Variants in ASIC2 observed in about 807,000 individuals in gnomAD.
ASIC2 encodes acid sensing ion channel subunit 2.
A neutral mutation model predicts 57.3 loss-of-function variants in ASIC2; 25 were observed. That is an observed-to-expected ratio of 0.44 (90% CI 0.32 to 0.61). The LOEUF (loss-of-function observed/expected upper bound fraction) is 0.61, where lower values mean the gene tolerates loss of function less well. ASIC2 is among the 20% of genes least tolerant of loss of function. ASIC2 has a pLI of 0.06. For missense variants in ASIC2, 641 were observed against 738.1 expected (o/e 0.87, Z 1.52); for synonymous variants, 319 against 307.5 (o/e 1.04, Z -0.39).
At chr17:33,601,298 T>A (rs1409921233) in intron 1 of ASIC2, among the ~76,000 whole-genome samples, 1 of 152,076 alleles carries the variant, frequency 6.6e-6, no homozygotes, top group Non-Finnish European at 1.5e-5. Flanking sequence ...ATTTCAGAGG[T>A]CTTCCAGGAT....
At chr17:33,572,308 C>CG (rs1567654670) in intron 1 of ASIC2, 1 of 152,098 alleles carries the variant, frequency 6.6e-6, no homozygotes, top group Non-Finnish European at 1.5e-5. Flanking sequence ...ACGCACCCCC[C>CG]CCACCCCAGG....
At chr17:33,197,952 C>T (rs68027603) in intron 1 of ASIC2, among the ~76,000 whole-genome samples, 15,008 of 152,222 alleles carry the variant, frequency 0.099, 933 homozygotes, top group Admixed American at 0.15. Flanking sequence ...CTGGCACTCT[C>T]GTCCTGGGCC....
intron 1 of ASIC2, among the ~76,000 whole-genome samples, chr17:33,204,970 T>A (rs1333740632): frequency 6.6e-6 from 1 of 152,250 alleles, no homozygotes; most frequent in African/African-American, 2.4e-5. Context: ...TCTACTTGAA[T>A]GGACTATTCA....
At chr17:34,153,133 C>T (rs1183190063) in intron 1 of ASIC2, among the ~76,000 whole-genome samples, 1 of 152,172 alleles carries the variant, frequency 6.6e-6, no homozygotes, top group Non-Finnish European at 1.5e-5. Context: ...CACTTCATTG[C>T]ACATCAGCTA....
chr17:33,222,866 C>T (rs1476257529), intron 1 of ASIC2, among the ~76,000 whole-genome samples: 1 of 152,160 alleles, frequency 6.6e-6, no homozygotes. Context: ...ACAAACTTTT[C>T]CTGACCACCT....
intron 1 of ASIC2, among the ~76,000 whole-genome samples, chr17:33,482,250 C>T (rs541899833): frequency 2.6e-5 from 4 of 152,346 alleles, no homozygotes; most frequent in Admixed American, 2.0e-4. Flanking sequence ...CTCATCTCAG[C>T]CATTGTACAC....
At chr17:33,334,485 C>T (rs533630577) in intron 1 of ASIC2, among the ~76,000 whole-genome samples, 1 of 152,312 alleles carries the variant, frequency 6.6e-6, no homozygotes, top group African/African-American at 2.4e-5. Flanking sequence ...TGCTGTTGAA[C>T]TGGCTTCCAG....
At chr17:33,189,048 C>T (rs1157246289) in intron 1 of ASIC2, among the ~76,000 whole-genome samples, 1 of 152,088 alleles carries the variant, frequency 6.6e-6, no homozygotes, top group African/African-American at 2.4e-5. Flanking sequence ...ACTATACATA[C>T]AGTCGTATAA....
chr17:33,254,664 C>T (rs928278165), intron 1 of ASIC2, among the ~76,000 whole-genome samples: 6 of 152,122 alleles, frequency 3.9e-5, no homozygotes, highest in Non-Finnish European at 8.8e-5. Flanking sequence ...GATTGTCTCT[C>T]CCACTTTGTA....
At chr17:34,098,015 C>T (rs1371181281) in intron 1 of ASIC2, among the ~76,000 whole-genome samples, 1 of 152,094 alleles carries the variant, frequency 6.6e-6, no homozygotes, top group Non-Finnish European at 1.5e-5. Context: ...AGCAGGAGAG[C>T]TTTACTCCAT....
At position 33,146,644 on chromosome 17, in the gene ASIC2, C is replaced by T. The variant is rs148270243; in HGVS notation, c.709-34577G>A. ...TCCTGTGGAGATCAGGCAGAAAGAT[C>T]TGTGCCCAGCTCATGCCTCTGGAGC... On this transcript the variant is annotated intron_variant, in intron 1 of 9. Coordinates refer to ENST00000225823, the MANE Select transcript of ASIC2 (RefSeq NM_183377.2). 6.6e-5 allele frequency among the ~76,000 whole-genome samples: 10 copies of T among 152,348 alleles called. No homozygotes were observed. The East Asian group carries it at 1.9e-3, about 29-fold the overall frequency.
chr17:34,011,072 C>CAA (rs1362606933), intron 1 of ASIC2, among the ~76,000 whole-genome samples: 42 of 4,650 alleles, frequency 9.0e-3, no homozygotes, highest in East Asian at 0.017. Flanking sequence ...CACATGCCTC[C>CAA]AGGCAGACAC....
At chr17:33,488,926 C>A (rs1369918363) in intron 1 of ASIC2, among the ~76,000 whole-genome samples, 5 of 152,058 alleles carry the variant, frequency 3.3e-5, no homozygotes, top group Non-Finnish European at 7.4e-5. Context: ...ATGCTGAGTT[C>A]CCCGAGACTC....
At chr17:33,135,591 G>A (rs2041905147) in intron 1 of ASIC2, among the ~76,000 whole-genome samples, 1 of 152,214 alleles carries the variant, frequency 6.6e-6, no homozygotes, top group South Asian at 2.1e-4. Flanking sequence ...ATGACAAGAG[G>A]TTGGGAAGGG....
intron 1 of ASIC2, among the ~76,000 whole-genome samples, chr17:33,370,561 T>C (rs1464629410): frequency 6.6e-6 from 1 of 152,192 alleles, no homozygotes; most frequent in Non-Finnish European, 1.5e-5. Context: ...TCAAAGACCC[T>C]GGCCGTCTCT....
intron 1 of ASIC2, among the ~76,000 whole-genome samples, chr17:33,856,492 A>G (rs77264012): frequency 9.4e-3 from 177 of 18,780 alleles, no homozygotes; most frequent in Admixed American, 0.016. Flanking sequence ...GGCAGTAGTA[A>G]TAGTGTTGTC....
At chr17:33,919,165 T>G (rs1197580579) in intron 1 of ASIC2, among the ~76,000 whole-genome samples, 1 of 152,098 alleles carries the variant, frequency 6.6e-6, no homozygotes, top group African/African-American at 2.4e-5. Flanking sequence ...GCCAGGACCC[T>G]GGGTTCCTTC....
intron 1 of ASIC2, among the ~76,000 whole-genome samples, chr17:33,134,782 G>A (rs954250701): frequency 6.6e-6 from 1 of 152,102 alleles, no homozygotes; most frequent in Non-Finnish European, 1.5e-5. Flanking sequence ...CAGGAGCAGA[G>A]CTCTGAGAAG....
chr17:33,041,051 TG>T (rs1402862443), intron 3 of ASIC2, among the ~76,000 whole-genome samples: 3 of 152,136 alleles, frequency 2.0e-5, no homozygotes, highest in Non-Finnish European at 2.9e-5. Context: ...CCTGTTTGCC[TG>T]AGCCCCTCCC....
Sources: gnomAD v4.1 joint callset for allele counts (sites outside exome capture counted in the v4.1 genomes callset) on GRCh38, gnomAD v4.1.1 for gene constraint, MANE v1.5 for transcripts, NCBI Gene and HGNC (gene_info 2026-07-23, HGNC 2026-07-21) for gene names.